PSD3: variants seen among roughly 807,000 people sequenced by gnomAD.
The protein encoded by PSD3 is PH and SEC7 domain-containing protein 3.
PSD3 carries 49 observed loss-of-function variants against 105.5 expected under a neutral mutation model. The observed-to-expected ratio is 0.46, with a 90% CI of 0.37 to 0.59. The LOEUF is 0.59. PSD3 is among the 20% of genes least tolerant of loss of function. The probability of loss-of-function intolerance (pLI) is 0.00; values close to 1 mark genes in which losing one functional copy is unlikely to be tolerated. For synonymous variants in PSD3, 557 were observed against 457.8 expected (o/e 1.22, Z -2.77); for missense variants, 1,561 against 1,263.8 (o/e 1.24, Z -3.57).
intron 1 of PSD3, chr8:19,001,017 G>A (rs142493875): frequency 6.6e-6 from 1 of 151,836 alleles, no homozygotes; most frequent in Non-Finnish European, 1.5e-5. Flanking sequence ...TGAGTAAGAA[G>A]GAACTAAGCG....
chr8:19,010,359 A>C (rs767444107), intron 1 of PSD3, among the ~76,000 whole-genome samples: 1 of 152,206 alleles, frequency 6.6e-6, no homozygotes, highest in Non-Finnish European at 1.5e-5. Context: ...GGCGCAGTGA[A>C]AAACCTTTCT....
At chr8:18,941,413 A>G (rs1055264869) in intron 1 of PSD3, among the ~76,000 whole-genome samples, 2 of 143,840 alleles carry the variant, frequency 1.4e-5, no homozygotes, top group African/African-American at 5.3e-5. Flanking sequence ...CCAGCTTCAC[A>G]GACACTTCAC....
At chr8:18,670,172 C>A (rs998103451) in intron 9 of PSD3, among the ~76,000 whole-genome samples, 7 of 152,108 alleles carry the variant, frequency 4.6e-5, no homozygotes, top group African/African-American at 1.7e-4. Flanking sequence ...CGTGAGTGAC[C>A]GGGAGCAGCC....
At chr8:18,830,585 T>C (rs1210718949) in intron 4 of PSD3, among the ~76,000 whole-genome samples, 3 of 152,356 alleles carry the variant, frequency 2.0e-5, no homozygotes, top group Admixed American at 1.3e-4. Context: ...GGTATCAAAG[T>C]ACACTTTGGT....
chr8:18,671,413 T>C lies in PSD3; in HGVS notation c.2173-15728A>G, dbSNP rs540950133. On this transcript the variant is annotated intron_variant, in intron 9 of 15. Transcript: ENST00000327040. ...AAAATTAAAATTTACCTGGGTGTTCTGTATTTTTATTTGTGAAATCTGGCA... is the reference window on the plus strand; with the variant it reads ...AAAATTAAAATTTACCTGGGTGTTCCGTATTTTTATTTGTGAAATCTGGCA... Among the ~76,000 whole-genome samples the C allele has an allele frequency of 1.2e-4, 19 of 152,312 alleles. No homozygotes were observed. In the South Asian group the frequency reaches 2.7e-3, roughly 22 times the overall value.
chr8:18,761,813 G>A (rs754234594), intron 9 of PSD3, among the ~76,000 whole-genome samples: 46 of 152,162 alleles, frequency 3.0e-4, no homozygotes, highest in Non-Finnish European at 6.5e-4. Flanking sequence ...GCTGGGATGG[G>A]TGGAGCCAGT....
chr8:18,840,923 A>T (rs997011932), intron 4 of PSD3, among the ~76,000 whole-genome samples: 1 of 152,216 alleles, frequency 6.6e-6, no homozygotes, highest in African/African-American at 2.4e-5. Context: ...CAGTACATTC[A>T]TCTGGGTGTG....
chr8:18,727,320 G>A (rs1341826198), intron 9 of PSD3, among the ~76,000 whole-genome samples: 4 of 114,270 alleles, frequency 3.5e-5, no homozygotes, highest in African/African-American at 1.1e-4. Flanking sequence ...CCAGGAAACC[G>A]CAAGACTGTG....
intron 9 of PSD3, among the ~76,000 whole-genome samples, chr8:18,748,660 C>CAAAAAA (rs760372508): frequency 1.8e-5 from 1 of 54,742 alleles, no homozygotes; most frequent in Non-Finnish European, 3.9e-5. Context: ...ACTCCGTCTC[C>CAAAAAA]AAAAAAAAAA....
chr8:18,645,521 A>G (rs916712028), intron 10 of PSD3, among the ~76,000 whole-genome samples: 4 of 152,130 alleles, frequency 2.6e-5, no homozygotes, highest in Non-Finnish European at 5.9e-5. Flanking sequence ...AACCAATAAT[A>G]TCCTTTACAT....
At chr8:18,800,458 C>G (rs1301426409) in intron 7 of PSD3, among the ~76,000 whole-genome samples, 2 of 152,284 alleles carry the variant, frequency 1.3e-5, no homozygotes, top group Admixed American at 6.5e-5. Flanking sequence ...AATACTGAAG[C>G]TAAGAGGTAA....
At chr8:18,731,533 T>C (rs534581650) in intron 9 of PSD3, among the ~76,000 whole-genome samples, 1 of 152,256 alleles carries the variant, frequency 6.6e-6, no homozygotes, top group East Asian at 1.9e-4. Flanking sequence ...TTAGGACAGC[T>C]TGAGGAAAGG....
chr8:19,052,359 C>T (rs529761934), intron 1 of PSD3, among the ~76,000 whole-genome samples: 60 of 151,786 alleles, frequency 4.0e-4, no homozygotes, highest in Admixed American at 1.2e-3. Context: ...GTAGTCCCAG[C>T]TACTCAGGAG....
chr8:18,637,895 T>G (rs911302968), intron 10 of PSD3, among the ~76,000 whole-genome samples: 1 of 152,132 alleles, frequency 6.6e-6, no homozygotes, highest in Non-Finnish European at 1.5e-5. Flanking sequence ...TGGTGGCTCA[T>G]GCCTGTAATC....
intron 4 of PSD3, among the ~76,000 whole-genome samples, chr8:18,830,149 T>G (rs1323497023): frequency 6.6e-6 from 1 of 151,628 alleles, no homozygotes; most frequent in Non-Finnish European, 1.5e-5. Flanking sequence ...ACCATGTTGG[T>G]CAGGCTGGTC....
intron 1 of PSD3, among the ~76,000 whole-genome samples, chr8:19,041,042 G>A (rs1563525303): frequency 6.6e-6 from 1 of 152,030 alleles, no homozygotes; most frequent in South Asian, 2.1e-4. Flanking sequence ...ATAGGTGCAC[G>A]CCACCACATC....
rs563100002 is a variant in PSD3 at position 18,603,306 on chromosome 8, A to G, written c.2411-2872T>C. 2.0e-5 allele frequency among the ~76,000 whole-genome samples: 3 copies of G among 152,234 alleles called. No homozygotes were observed. In the East Asian group the frequency reaches 5.8e-4, roughly 29 times the overall value. ...CTTTTCTTTTTTTTAATGCTATTGA[A>G]ACAGGCATCATTGTTTTTCTATAAC... On this transcript the variant is annotated intron_variant, in intron 11 of 15. Transcript: ENST00000327040.
chr8:18,575,366 A>C, intron 12 of PSD3, 81 bp from the exon 13 acceptor site: 1 of 1,341,846 alleles, frequency 7.5e-7, no homozygotes, highest in Non-Finnish European at 9.9e-7. Context: ...AAACTAAAAA[A>C]ATAGTTTTTA....
chr8:19,011,306 T>A (rs773180672), intron 1 of PSD3, among the ~76,000 whole-genome samples: 1 of 152,170 alleles, frequency 6.6e-6, no homozygotes, highest in Admixed American at 6.5e-5. Flanking sequence ...TTATGAATAA[T>A]GCATGACAAA....
Sources: allele counts gnomAD v4.1 joint callset (sites outside exome capture counted in the v4.1 genomes callset), GRCh38; gene constraint gnomAD v4.1.1; transcripts MANE v1.5; gene names NCBI Gene and HGNC (gene_info 2026-07-23, HGNC 2026-07-21).